CACNA2D3: variants seen among roughly 807,000 people sequenced by gnomAD.
The protein encoded by CACNA2D3 is voltage-dependent calcium channel subunit alpha-2/delta-3.
In CACNA2D3, 60 loss-of-function variants were observed where a neutral mutation model predicts 160.6. That is an observed-to-expected ratio of 0.37 (90% CI 0.30 to 0.46). The LOEUF is 0.46. CACNA2D3 is among the 20% of genes least tolerant of loss of function. The probability of loss-of-function intolerance (pLI) is 1.00; values close to 1 mark genes in which losing one functional copy is unlikely to be tolerated. For synonymous variants in CACNA2D3, 558 were observed against 492.9 expected (o/e 1.13, Z -1.75); for missense variants, 1,205 against 1,365.0 (o/e 0.88, Z 1.85).
chr3:54,290,893 A>C (rs1457941607), intron 2 of CACNA2D3, among the ~76,000 whole-genome samples: 1 of 151,354 alleles, frequency 6.6e-6, no homozygotes, highest in Admixed American at 6.7e-5. Context: ...GGAACATTCC[A>C]CACCGGGGCC....
intron 2 of CACNA2D3, among the ~76,000 whole-genome samples, chr3:54,140,155 T>C (rs1699896846): frequency 6.6e-6 from 1 of 152,332 alleles, no homozygotes; most frequent in South Asian, 2.1e-4. Context: ...CAACCATTAT[T>C]TTAATTCTTG....
At chr3:54,300,784 G>GT (rs1303280678) in intron 2 of CACNA2D3, among the ~76,000 whole-genome samples, 4 of 152,266 alleles carry the variant, frequency 2.6e-5, no homozygotes, top group African/African-American at 9.6e-5. Context: ...GAAGACTGAG[G>GT]TAGGAGGATC....
intron 2 of CACNA2D3, among the ~76,000 whole-genome samples, chr3:54,304,723 G>A (rs962723694): frequency 1.3e-5 from 2 of 152,106 alleles, no homozygotes; most frequent in South Asian, 2.1e-4. Context: ...ATGGGCTATC[G>A]AATGAGCCTG....
chr3:54,257,241 C>T (rs758195699), intron 2 of CACNA2D3, among the ~76,000 whole-genome samples: 5 of 152,174 alleles, frequency 3.3e-5, no homozygotes, highest in African/African-American at 4.8e-5. Context: ...TGGTAGCCAT[C>T]AGAGCAGTCC....
intron 35 of CACNA2D3, among the ~76,000 whole-genome samples, chr3:55,039,854 A>G (rs6776968): frequency 0.39 from 59,160 of 152,034 alleles, 11,750 homozygotes; most frequent in African/African-American, 0.44. Context: ...GAAAGAGACA[A>G]TAAATCAAGT....
chr3:54,629,578 C>T (rs1447717012), intron 10 of CACNA2D3, among the ~76,000 whole-genome samples: 1 of 152,174 alleles, frequency 6.6e-6, no homozygotes, highest in Non-Finnish European at 1.5e-5. Context: ...CTGTTGGCTA[C>T]AGGATGTAAA....
At chr3:54,224,005 TC>T (rs1452609480) in intron 2 of CACNA2D3, among the ~76,000 whole-genome samples, 2 of 152,184 alleles carry the variant, frequency 1.3e-5, no homozygotes, top group Non-Finnish European at 2.9e-5. Flanking sequence ...AAAAATATTT[TC>T]CTTTTTATAT....
chr3:55,004,986 AC>A (rs1190532045), intron 32 of CACNA2D3, 148 bp downstream of exon 32: 4 of 600,514 alleles, frequency 6.7e-6, no homozygotes, highest in Non-Finnish European at 1.1e-5. Flanking sequence ...AAAAAAAAAA[AC>A]ACTTCAGGCC....
chr3:54,543,216 G>A (rs1456603940), intron 5 of CACNA2D3, among the ~76,000 whole-genome samples: 1 of 152,214 alleles, frequency 6.6e-6, no homozygotes, highest in African/African-American at 2.4e-5. Context: ...TATGCACATG[G>A]CTTGGGAAAT....
intron 13 of CACNA2D3, among the ~76,000 whole-genome samples, chr3:54,778,013 C>T (rs759165738): frequency 8.5e-5 from 13 of 152,228 alleles, no homozygotes; most frequent in Admixed American, 4.6e-4. Context: ...TTAAAACCCT[C>T]CAGGGGAGCC....
At chr3:54,413,156 A>G (rs1409388905) in intron 4 of CACNA2D3, among the ~76,000 whole-genome samples, 1 of 151,656 alleles carries the variant, frequency 6.6e-6, no homozygotes, top group Non-Finnish European at 1.5e-5. Context: ...ATTTTGCTGG[A>G]AATAGAATTG....
rs77885651 is a variant in CACNA2D3, at chr3:54,160,933, G to A, written c.204+37339G>A. On this transcript the variant is annotated intron_variant, in intron 2 of 37. Transcript: ENST00000474759. ...TGGGATTGGATGAGACCATTTTGCC[G>A]AAAGAAAAACATGAGCAAAGGCGAA... 0.014 allele frequency among the ~76,000 whole-genome samples: 2,185 copies of A among 152,260 alleles called. 123 individuals carry two copies. The East Asian group carries it at 0.21, about 14-fold the overall frequency.
chr3:54,908,867 A>G (rs536734647), intron 27 of CACNA2D3, among the ~76,000 whole-genome samples: 2 of 152,260 alleles, frequency 1.3e-5, no homozygotes, highest in Non-Finnish European at 2.9e-5. Context: ...GGTAGAGACC[A>G]TAGAAACTGC....
chr3:54,618,352 C>CATACATATATATAT lies in CACNA2D3; in HGVS notation c.964-9432_964-9431insCATATATATATATA, dbSNP rs56316245. Among the ~76,000 whole-genome samples the CATACATATATATAT allele has an allele frequency of 3.2e-3, 381 of 119,886 alleles. 9 individuals carry two copies. The highest frequency in any genetic ancestry group is 3.8e-3 in the African/African-American group (118 of 31,206). The allele number at this position is 119,886 out of a possible 152,430, so 78.6% of individuals were successfully genotyped here. On this transcript the variant is annotated intron_variant, in intron 9 of 37. Transcript: ENST00000474759. ...AAGTTCAAATTGATGTTGATACATA[C>CATACATATATATAT]ATATATATATATATATATATATGCA...
At position 54,763,861 on chromosome 3, in the gene CACNA2D3, A is replaced by ATATACGTACATATATATACG. The variant is rs1559573954; in HGVS notation, c.1247-353_1247-352insCGTACATATATATACGTATA. 1.1e-4 allele frequency among the ~76,000 whole-genome samples: 3 copies of ATATACGTACATATATATACG among 28,466 alleles called. 1 individual carries two copies. Among genetic ancestry groups the ATATACGTACATATATATACG allele is most frequent in the Non-Finnish European group, 1.9e-4 (3 of 16,170 alleles). The allele number at this position is 28,466 out of a possible 152,430, so 18.7% of individuals were successfully genotyped here. On this transcript the variant is annotated intron_variant, in intron 12 of 37. Coordinates refer to ENST00000474759, the MANE Select transcript of CACNA2D3 (RefSeq NM_018398.3). ...TATATATATGTACATATATATACAT[A>ATATACGTACATATATATACG]TATATATACGTATATATATGTATAT...
chr3:54,192,905 G>A (rs899532000), intron 2 of CACNA2D3, among the ~76,000 whole-genome samples: 3 of 152,142 alleles, frequency 2.0e-5, no homozygotes, highest in Admixed American at 6.5e-5. Flanking sequence ...GACCCATGAC[G>A]GGGAGGAAGA....
At chr3:54,410,770 A>G (rs1699654449) in intron 4 of CACNA2D3, among the ~76,000 whole-genome samples, 1 of 152,212 alleles carries the variant, frequency 6.6e-6, no homozygotes. Context: ...TCCACGGATC[A>G]GGGAGTAATT....
chr3:54,211,606 T>A (rs1701373128), intron 2 of CACNA2D3, among the ~76,000 whole-genome samples: 1 of 152,224 alleles, frequency 6.6e-6, no homozygotes, highest in South Asian at 2.1e-4. Context: ...CGTGTATTCT[T>A]TAATACAAAA....
chr3:54,727,604 G>T (rs1444253479), intron 11 of CACNA2D3, among the ~76,000 whole-genome samples: 1 of 152,168 alleles, frequency 6.6e-6, no homozygotes, highest in African/African-American at 2.4e-5. Flanking sequence ...CATGTCCTTT[G>T]CAGGGACATG....
Sources: allele counts gnomAD v4.1 joint callset (sites outside exome capture counted in the v4.1 genomes callset), GRCh38; gene constraint gnomAD v4.1.1; transcripts MANE v1.5; gene names NCBI Gene and HGNC (gene_info 2026-07-23, HGNC 2026-07-21).